The following CREB5 variants were observed in gnomAD, a reference collection of about 807,000 sequenced individuals.
CREB5 encodes the protein cyclic AMP-responsive element-binding protein 5.
In CREB5, 19 loss-of-function variants were observed where a neutral mutation model predicts 57.1. That is an observed-to-expected ratio of 0.33 (90% CI 0.23 to 0.49). The LOEUF (loss-of-function observed/expected upper bound fraction) is 0.49, where lower values mean the gene tolerates loss of function less well. Ranked by LOEUF, CREB5 falls within the 20% of genes least tolerant of loss-of-function variation. CREB5 has a pLI of 0.99. For missense variants in CREB5, 579 were observed against 671.6 expected (o/e 0.86, Z 1.52); for synonymous variants, 238 against 238.3 (o/e 1.00, Z 0.01).
intron 1 of CREB5, among the ~76,000 whole-genome samples, chr7:28,393,808 C>T (rs1229910997): frequency 1.3e-5 from 2 of 152,044 alleles, no homozygotes; most frequent in African/African-American, 2.4e-5. Context: ...GGCGCGGTGG[C>T]TCACGCCTGT....
intron 3 of CREB5, among the ~76,000 whole-genome samples, chr7:28,499,802 C>T (rs559347654): frequency 2.0e-5 from 3 of 152,290 alleles, no homozygotes; most frequent in East Asian, 3.9e-4. Context: ...AGGCTGGTCT[C>T]GAACTCTCAA....
In CREB5 at chr7:28,533,490, C is replaced by T. The variant is rs112494581; in HGVS notation, c.291+25753C>T. ...CGTACCTGCACTTTGCATGGAGACACTGACTTCAGTCATACTGTCAGTAAG... is the reference window on the plus strand; with the variant it reads ...CGTACCTGCACTTTGCATGGAGACATTGACTTCAGTCATACTGTCAGTAAG... On this transcript the variant is annotated intron_variant, in intron 4 of 10. Transcript: ENST00000357727. Among the ~76,000 whole-genome samples the T allele has an allele frequency of 6.1e-3, 922 of 152,342 alleles. 7 individuals carry two copies. Among genetic ancestry groups the T allele is most frequent in the African/African-American group, 0.021 (887 of 41,578 alleles).
chr7:28,742,729 G>A (rs1804443866), intron 7 of CREB5, among the ~76,000 whole-genome samples: 1 of 151,862 alleles, frequency 6.6e-6, no homozygotes, highest in East Asian at 1.9e-4. Context: ...CACCTCTCAG[G>A]ATATACTTGG....
chr7:28,703,773 T>A (rs62443613), intron 5 of CREB5, among the ~76,000 whole-genome samples: 3 of 152,222 alleles, frequency 2.0e-5, no homozygotes, highest in Non-Finnish European at 4.4e-5. Context: ...GAAGGTATAC[T>A]GCATTACTCA....
At chr7:28,598,690 C>G (rs1364357236) in intron 5 of CREB5, among the ~76,000 whole-genome samples, 1 of 152,088 alleles carries the variant, frequency 6.6e-6, no homozygotes, top group Non-Finnish European at 1.5e-5. Context: ...CTCACTCTAT[C>G]CATCATTATT....
At chr7:28,310,452 G>C (rs1398004129) in intron 1 of CREB5, among the ~76,000 whole-genome samples, 1 of 152,198 alleles carries the variant, frequency 6.6e-6, no homozygotes, top group Non-Finnish European at 1.5e-5. Context: ...TTAAATAGTT[G>C]GAAGAGCTTT....
At chr7:28,589,933 C>G (rs1247604715) in intron 5 of CREB5, among the ~76,000 whole-genome samples, 2 of 152,198 alleles carry the variant, frequency 1.3e-5, no homozygotes, top group African/African-American at 4.8e-5. Context: ...TGTCTTAAGT[C>G]TTTTGTTGCT....
At chr7:28,807,406 G>A (rs768320938) in intron 8 of CREB5, among the ~76,000 whole-genome samples, 3 of 152,150 alleles carry the variant, frequency 2.0e-5, no homozygotes, top group African/African-American at 4.8e-5. Context: ...CCGAAATCGC[G>A]CCACTGCACT....
intron 5 of CREB5, among the ~76,000 whole-genome samples, chr7:28,642,991 C>A: frequency 8.7e-6 from 1 of 114,658 alleles, no homozygotes; most frequent in Admixed American, 9.2e-5. Flanking sequence ...CACACATACA[C>A]ACACACACAC....
At chr7:28,488,021 C>CT (rs1368435237) in intron 1 of CREB5, among the ~76,000 whole-genome samples, 154 bp from the exon 2 acceptor site, 1 of 152,198 alleles carries the variant, frequency 6.6e-6, no homozygotes, top group African/African-American at 2.4e-5. Flanking sequence ...CAAGCAGGGC[C>CT]TGTGCTCACT....
chr7:28,561,013 T>TGTGCGCGTGTGCGTGCGTGCGC (rs1795243566), intron 4 of CREB5, among the ~76,000 whole-genome samples: 1 of 40,550 alleles, frequency 2.5e-5, no homozygotes, highest in African/African-American at 1.3e-4. Context: ...TGCGTGTGTG[T>TGTGCGCGTGTGCGTGCGTGCGC]GTGCGTGTGT....
At chr7:28,541,183 C>T (rs543198390) in intron 4 of CREB5, among the ~76,000 whole-genome samples, 4 of 152,118 alleles carry the variant, frequency 2.6e-5, no homozygotes, top group African/African-American at 9.7e-5. Context: ...AAATTAAGTA[C>T]GGATGAGAAG....
intron 1 of CREB5, among the ~76,000 whole-genome samples, chr7:28,398,950 A>C (rs1383488213): frequency 6.6e-6 from 1 of 152,176 alleles, no homozygotes; most frequent in Non-Finnish European, 1.5e-5. Context: ...TCCTGGGCTC[A>C]AGCAATTCTC....
intron 7 of CREB5, among the ~76,000 whole-genome samples, chr7:28,790,976 T>G (rs1259350462): frequency 6.6e-6 from 1 of 152,208 alleles, no homozygotes; most frequent in Non-Finnish European, 1.5e-5. Context: ...CTTACAGAAG[T>G]GGGAAAATTT....
At chr7:28,751,039 G>A (rs1473627351) in intron 7 of CREB5, among the ~76,000 whole-genome samples, 3 of 152,144 alleles carry the variant, frequency 2.0e-5, no homozygotes, top group East Asian at 1.9e-4. Context: ...ATGCCATATC[G>A]CTGGGTGAAA....
At chr7:28,646,249 G>C (rs983805954) in intron 5 of CREB5, among the ~76,000 whole-genome samples, 4 of 152,114 alleles carry the variant, frequency 2.6e-5, no homozygotes, top group African/African-American at 9.7e-5. Context: ...TTCCTCTTCA[G>C]TGAGAAATCC....
chr7:28,330,140 T>C (rs896741566), intron 1 of CREB5, among the ~76,000 whole-genome samples: 1 of 152,192 alleles, frequency 6.6e-6, no homozygotes, highest in African/African-American at 2.4e-5. Flanking sequence ...TGTGCAAAAC[T>C]GAAAAGTACA....
intron 1 of CREB5, among the ~76,000 whole-genome samples, chr7:28,379,765 G>A (rs141295870): frequency 7.5e-4 from 115 of 152,334 alleles, no homozygotes; most frequent in African/African-American, 2.7e-3. Context: ...CTAGGTCAAT[G>A]GTTCTCAAAG....
chr7:28,793,326 T>G (rs142135050), intron 7 of CREB5, among the ~76,000 whole-genome samples: 68 of 152,206 alleles, frequency 4.5e-4, no homozygotes, highest in African/African-American at 1.5e-3. Context: ...GACAAGACAA[T>G]CTAAACTTCC....
Sources: allele counts gnomAD v4.1 joint callset (sites outside exome capture counted in the v4.1 genomes callset), GRCh38; gene constraint gnomAD v4.1.1; transcripts MANE v1.5; gene names NCBI Gene and HGNC (gene_info 2026-07-23, HGNC 2026-07-21).